Variants in CEP135 observed in about 807,000 individuals in gnomAD.
CEP135 encodes centrosomal protein 135.
CEP135 carries 142 observed loss-of-function variants against 157.3 expected under a neutral mutation model. The ratio of observed to expected loss-of-function variants is 0.90; its 90% confidence interval spans 0.79 to 1.04. CEP135 has a LOEUF of 1.04. CEP135 is among the 50% of genes least tolerant of loss of function. The pLI is 0.00. For missense variants in CEP135, 1,317 were observed against 1,309.2 expected, an observed-to-expected ratio of 1.01 and a Z score of -0.09; for synonymous variants, 396 against 439.8, an observed-to-expected ratio of 0.90 and a Z score of 1.25.
intron 15 of CEP135, among the ~76,000 whole-genome samples, chr4:55,997,285 T>C (rs561923941): frequency 6.6e-6 from 1 of 152,310 alleles, no homozygotes; most frequent in South Asian, 2.1e-4. Flanking sequence ...CTTCTCTTTC[T>C]ACCCTAGAAT....
At chr4:55,980,005 T>A (rs1729345907) in intron 11 of CEP135, 138 bp from the exon 12 acceptor site, 2 of 721,606 alleles carry the variant, frequency 2.8e-6, no homozygotes, top group Non-Finnish European at 2.3e-6. Context: ...CATAGATTTT[T>A]AAAACTGTGT....
intron 6 of CEP135, among the ~76,000 whole-genome samples, chr4:55,962,819 T>C (rs529282914): frequency 6.6e-6 from 1 of 152,090 alleles, no homozygotes; most frequent in South Asian, 2.1e-4. Flanking sequence ...TCTCGTCTTA[T>C]GTATCTTTTT....
intron 4 of CEP135, among the ~76,000 whole-genome samples, 167 bp downstream of exon 4, chr4:55,954,550 G>A (rs557988890): frequency 1.1e-4 from 16 of 152,116 alleles, no homozygotes; most frequent in South Asian, 2.1e-4. Flanking sequence ...CTAATGATCC[G>A]GGTAGTAATT....
intron 13 of CEP135, among the ~76,000 whole-genome samples, chr4:55,984,328 ATTTATC>A (rs1440528328): frequency 2.0e-5 from 3 of 152,074 alleles, no homozygotes; most frequent in East Asian, 3.9e-4. Flanking sequence ...GCTGATTCCT[ATTTATC>A]TTTAAGTCCA....
At chr4:55,990,621 C>T (rs997789691) in intron 14 of CEP135, among the ~76,000 whole-genome samples, 3 of 151,992 alleles carry the variant, frequency 2.0e-5, no homozygotes, top group Admixed American at 6.6e-5. Flanking sequence ...TCTTCAGCCT[C>T]CCTAGGAGCT....
chr4:55,952,300 CT>C, intron 2 of CEP135, 57 bp downstream of exon 2: 1 of 955,280 alleles, frequency 1.0e-6, no homozygotes, highest in Non-Finnish European at 1.7e-6. Flanking sequence ...TACCTCATTT[CT>C]GATTGAACTT....
At chr4:55,954,519 C>G (rs1185949907) in intron 4 of CEP135, 136 bp downstream of exon 4, 5 of 596,146 alleles carry the variant, frequency 8.4e-6, no homozygotes, top group Non-Finnish European at 8.1e-6. Flanking sequence ...TTGAATAGAC[C>G]GTAAACTTCT....
chr4:55,988,228 G>A (rs35003282), intron 14 of CEP135, among the ~76,000 whole-genome samples: 28,476 of 148,924 alleles, frequency 0.19, 3,086 homozygotes, highest in Non-Finnish European at 0.26. Flanking sequence ...AGTGTGGGGG[G>A]CGGGGGGTGA....
intron 16 of CEP135, 28 bp from the exon 17 acceptor site, chr4:55,999,463 T>C (rs376102913): frequency 2.0e-4 from 319 of 1,612,522 alleles, no homozygotes; most frequent in Non-Finnish European, 2.7e-4. Flanking sequence ...ATGTACTTTG[T>C]CTAACAAACA....
At chr4:55,980,925 T>C (rs568185330) in intron 12 of CEP135, among the ~76,000 whole-genome samples, 1 of 152,284 alleles carries the variant, frequency 6.6e-6, no homozygotes, top group East Asian at 1.9e-4. Context: ...TGTAAATTGA[T>C]CCACTTCTGG....
chr4:56,031,582 GC>G lies in CEP135; in HGVS notation c.*236del, dbSNP rs1411388678. The G allele has an allele frequency of 6.6e-6, 1 of 152,268 alleles. No individual in the cohort carries two copies. Among genetic ancestry groups the G allele is most frequent in the Non-Finnish European group, 1.5e-5 (1 of 67,974 alleles). 9.4% of individuals were successfully genotyped at this position (152,268 alleles called of 1,614,324 possible). A position where few individuals can be genotyped will look rare whatever the true frequency, so the allele number is the denominator to read the frequency against. On this transcript the variant is annotated 3_prime_UTR_variant, in exon 26 of 26. Transcript: ENST00000257287. ...CAGAACAAGAATATGTATTAATAGT[GC>G]CTAATGTATCTATATTTTTATTATT...
At chr4:55,994,267 C>T (rs985500798) in intron 15 of CEP135, among the ~76,000 whole-genome samples, 1 of 152,194 alleles carries the variant, frequency 6.6e-6, no homozygotes, top group Non-Finnish European at 1.5e-5. Flanking sequence ...AGAGTCAGGG[C>T]CAGGCATGGT....
intron 5 of CEP135, among the ~76,000 whole-genome samples, chr4:55,958,590 G>A (rs1411918702): frequency 6.6e-6 from 1 of 152,146 alleles, no homozygotes; most frequent in Non-Finnish European, 1.5e-5. Flanking sequence ...AGTGACATTA[G>A]TCTTTTTTAA....
intron 15 of CEP135, among the ~76,000 whole-genome samples, chr4:55,993,187 G>A (rs1418337416): frequency 2.0e-5 from 3 of 152,122 alleles, no homozygotes; most frequent in Admixed American, 1.3e-4. Context: ...ACAAACTGAT[G>A]AAAGTCACCC....
In CEP135 at chr4:56,011,873, C is replaced by G. The variant is rs1041673125; in HGVS notation, c.2690C>G (p.Ala897Gly). ...HNRAEDWEVK[A>G]HQAEGESSSV... ...CGTGCTGAAGACTGGGAGGTCAAAG[C>G]CCATCAAGCTGAGGGAGAAAGCAGC... The change falls in exon 21 of 26, where the codon GCC becomes GGC. Residue 897 changes from alanine to glycine, a missense_variant. Ala to Gly is a moderately conservative substitution (Grantham distance 60). Coordinates refer to ENST00000257287, the MANE Select transcript of CEP135 (RefSeq NM_025009.5). The G allele has an allele frequency of 2.5e-6, 4 of 1,606,796 alleles. No homozygotes were observed. In the African/African-American group the frequency reaches 4.0e-5, roughly 16 times the overall value.
At position 55,971,368 on chromosome 4, in the gene CEP135, G is replaced by A. The variant is rs775062669; in HGVS notation, c.1209G>A (p.Lys403=). ...ETVVHQLEQE[K]QRLSKKVESF... is the part of the protein sequence containing the mutation. ...TTGTTCATCAGCTTGAACAAGAAAA[G>A]CAAAGACTTAGCAAAAAAGTTGAAA... Residue 403 remains lysine (K), a synonymous_variant, in exon 10 of 26, where the codon AAG becomes AAA. Coordinates refer to ENST00000257287, the MANE Select transcript of CEP135 (RefSeq NM_025009.5). The A allele has an allele frequency of 3.1e-6, 5 of 1,602,882 alleles. No individual in the cohort carries two copies. Among genetic ancestry groups the A allele is most frequent in the South Asian group, 2.2e-5 (2 of 88,948 alleles).
At chr4:56,024,180 C>G (rs1376224583) in intron 24 of CEP135, among the ~76,000 whole-genome samples, 1 of 146,178 alleles carries the variant, frequency 6.8e-6, no homozygotes, top group East Asian at 2.0e-4. Flanking sequence ...AATTTAAATC[C>G]TATGTCTTTG....
chr4:55,996,175 G>A (rs1274798240), intron 15 of CEP135, among the ~76,000 whole-genome samples: 1 of 152,060 alleles, frequency 6.6e-6, no homozygotes, highest in East Asian at 1.9e-4. Flanking sequence ...AGGCTGGAGT[G>A]CAGTGGCACA....
intron 24 of CEP135, among the ~76,000 whole-genome samples, chr4:56,021,800 G>A (rs1730981550): frequency 6.6e-6 from 1 of 152,176 alleles, no homozygotes; most frequent in Admixed American, 6.5e-5. Context: ...CAAGGCAGGT[G>A]GATTTACTTG....
Sources: gnomAD v4.1 joint callset for allele counts (sites outside exome capture counted in the v4.1 genomes callset) on GRCh38, gnomAD v4.1.1 for gene constraint, MANE v1.5 for transcripts, NCBI Gene and HGNC (gene_info 2026-07-23, HGNC 2026-07-21) for gene names.